The following TASP1 variants were observed in gnomAD, a reference collection of about 807,000 sequenced individuals.
TASP1 encodes threonine aspartase 1.
TASP1 carries 16 observed loss-of-function variants against 56.6 expected under a neutral mutation model. That is an observed-to-expected ratio of 0.28 (90% CI 0.19 to 0.43). The LOEUF is 0.43. Among genes scored for constraint, TASP1 ranks in the 20% least tolerant of loss-of-function variants. The pLI is 1.00. For missense variants in TASP1, 393 were observed against 511.6 expected, an observed-to-expected ratio of 0.77 and a Z score of 2.24; for synonymous variants, 179 against 184.2, an observed-to-expected ratio of 0.97 and a Z score of 0.23.
chr20:13,531,766 C>A (rs762376999), intron 9 of TASP1, among the ~76,000 whole-genome samples: 13 of 152,112 alleles, frequency 8.5e-5, no homozygotes, highest in Non-Finnish European at 1.3e-4. Context: ...CAGGTTCAAG[C>A]GATTCTCTTG....
At chr20:13,372,682 C>T in the TASP1 span, among the ~76,000 whole-genome samples, 2 of 151,758 alleles carry the variant, frequency 1.3e-5, no homozygotes, top group Admixed American at 1.3e-4. Flanking sequence ...TTCTATATGT[C>T]TCATGTGTCT....
At chr20:13,138,405 G>A in the TASP1 span, among the ~76,000 whole-genome samples, 82 of 152,192 alleles carry the variant, frequency 5.4e-4, no homozygotes, top group Non-Finnish European at 1.0e-3. Context: ...GCCCTATCTT[G>A]ATGGCCCCAG....
chr20:13,110,098 G>C, the TASP1 span: 538,566 of 1,562,012 alleles, frequency 0.34, 96,948 homozygotes, highest in African/African-American at 0.61. Context: ...TTTTTTTTTT[G>C]GTATTATTTA....
chr20:13,362,834 T>TATATATATAC, the TASP1 span, among the ~76,000 whole-genome samples: 4 of 130,618 alleles, frequency 3.1e-5, no homozygotes, highest in African/African-American at 1.2e-4. Flanking sequence ...TATATATATA[T>TATATATATAC]ATATTTGTCT....
At chr20:13,211,386 T>C in the TASP1 span, among the ~76,000 whole-genome samples, 1 of 152,158 alleles carries the variant, frequency 6.6e-6, no homozygotes, top group Admixed American at 6.6e-5. Flanking sequence ...TTGCCATAAA[T>C]GGTCATCTGA....
intron 10 of TASP1, among the ~76,000 whole-genome samples, chr20:13,500,506 T>G (rs2043906174): frequency 6.6e-6 from 1 of 151,620 alleles, no homozygotes; most frequent in Admixed American, 6.6e-5. Context: ...AGATAAGGTT[T>G]TTAAATGAAA....
downstream of TASP1, among the ~76,000 whole-genome samples, chr20:13,389,015 T>C (rs186004450): frequency 6.0e-4 from 91 of 152,230 alleles, no homozygotes; most frequent in Non-Finnish European, 3.4e-4. Flanking sequence ...ATCTTCTTGA[T>C]AACCACTTCT....
At chr20:13,552,785 T>A (rs1291088247) in intron 8 of TASP1, among the ~76,000 whole-genome samples, 6 of 152,234 alleles carry the variant, frequency 3.9e-5, no homozygotes, top group Non-Finnish European at 7.3e-5. Context: ...AAATTATAAA[T>A]TTTTATCCTA....
At chr20:13,307,444 A>G in the TASP1 span, among the ~76,000 whole-genome samples, 1 of 152,228 alleles carries the variant, frequency 6.6e-6, no homozygotes, top group African/African-American at 2.4e-5. Context: ...CTCTGGGGCT[A>G]CAGAAATGTT....
chr20:13,143,272 G>A, the TASP1 span, among the ~76,000 whole-genome samples: 2,797 of 152,274 alleles, frequency 0.018, 53 homozygotes, highest in South Asian at 0.03. Flanking sequence ...CCAAGTCAGT[G>A]AGTCCAGTCT....
chr20:13,236,086 G>A, the TASP1 span, among the ~76,000 whole-genome samples: 22 of 152,032 alleles, frequency 1.4e-4, no homozygotes, highest in East Asian at 1.6e-3. Flanking sequence ...CACCACGCAC[G>A]GCTAATTTTT....
At chr20:13,538,009 T>A (rs2045479054) in intron 8 of TASP1, among the ~76,000 whole-genome samples, 1 of 151,792 alleles carries the variant, frequency 6.6e-6, no homozygotes, top group Admixed American at 6.6e-5. Flanking sequence ...AGTCTTTTTT[T>A]TTTTTTTTTT....
the TASP1 span, among the ~76,000 whole-genome samples, chr20:13,138,923 A>G: frequency 6.6e-6 from 1 of 152,188 alleles, no homozygotes; most frequent in Non-Finnish European, 1.5e-5. Flanking sequence ...TCTCTCACTT[A>G]AAGTTTCCTA....
the TASP1 span, among the ~76,000 whole-genome samples, chr20:13,142,520 T>C: frequency 2.6e-5 from 4 of 152,222 alleles, no homozygotes; most frequent in African/African-American, 9.6e-5. Context: ...GATTTGTGCC[T>C]GAGGAATCCC....
chr20:13,638,639 C>T (rs942253508), intron 1 of TASP1, among the ~76,000 whole-genome samples: 1 of 152,204 alleles, frequency 6.6e-6, no homozygotes, highest in African/African-American at 2.4e-5. Context: ...AGTACTTCCC[C>T]GGTGGCCACG....
chr20:13,303,138 A>T, the TASP1 span, among the ~76,000 whole-genome samples: 1 of 152,194 alleles, frequency 6.6e-6, no homozygotes, highest in Non-Finnish European at 1.5e-5. Flanking sequence ...TCAAGGTCAG[A>T]CCACTTGGTA....
the TASP1 span, among the ~76,000 whole-genome samples, chr20:13,242,159 A>G: frequency 6.6e-6 from 1 of 152,252 alleles, no homozygotes; most frequent in East Asian, 1.9e-4. Flanking sequence ...GATGCAGTAG[A>G]GGGAAAGGGT....
At chr20:13,220,689 C>G in the TASP1 span, among the ~76,000 whole-genome samples, 28 of 152,220 alleles carry the variant, frequency 1.8e-4, no homozygotes, top group Non-Finnish European at 3.7e-4. Context: ...CGCGAACAGC[C>G]GTGCCCGGCT....
At chr20:13,569,265 A>T (rs1699107221) in intron 7 of TASP1, among the ~76,000 whole-genome samples, 1 of 152,050 alleles carries the variant, frequency 6.6e-6, no homozygotes, top group Admixed American at 6.6e-5. Context: ...TATTTTAAGT[A>T]ATCTCTAAAA....
Sources: gnomAD v4.1 joint callset for allele counts (sites outside exome capture counted in the v4.1 genomes callset) on GRCh38, gnomAD v4.1.1 for gene constraint, MANE v1.5 for transcripts, NCBI Gene and HGNC (gene_info 2026-07-23, HGNC 2026-07-21) for gene names.